AFAP1L1: variants seen among roughly 807,000 people sequenced by gnomAD.
The protein encoded by AFAP1L1 is actin filament associated protein 1 like 1, also known as actin filament-associated protein 1-like 1.
In AFAP1L1, 77 loss-of-function variants were observed where a neutral mutation model predicts 99.8. That is an observed-to-expected ratio of 0.77 (90% CI 0.64 to 0.93). AFAP1L1 has a LOEUF of 0.93. AFAP1L1 is among the 40% of genes least tolerant of loss of function. The probability of loss-of-function intolerance (pLI) is 0.00; values close to 1 mark genes in which losing one functional copy is unlikely to be tolerated. For synonymous variants in AFAP1L1, 373 were observed against 395.3 expected (o/e 0.94, Z 0.67); for missense variants, 893 against 996.8 (o/e 0.90, Z 1.40).
chr5:149,325,374 G>A (rs1757067769), intron 15 of AFAP1L1, among the ~76,000 whole-genome samples: 1 of 152,164 alleles, frequency 6.6e-6, no homozygotes, highest in Admixed American at 6.5e-5. Flanking sequence ...GGAAGGGCAG[G>A]CTGCCAGTAT....
At chr5:149,332,143 T>C (rs1302582926) in intron 16 of AFAP1L1, among the ~76,000 whole-genome samples, 1 of 152,244 alleles carries the variant, frequency 6.6e-6, no homozygotes, top group Non-Finnish European at 1.5e-5. Context: ...ATGCCTGTAA[T>C]CCCAGCACTT....
At chr5:149,274,329 C>T (rs1755240941) in intron 1 of AFAP1L1, among the ~76,000 whole-genome samples, 1 of 152,166 alleles carries the variant, frequency 6.6e-6, no homozygotes, top group South Asian at 2.1e-4. Flanking sequence ...TACAGCAATA[C>T]TTAGTAGTAT....
intron 15 of AFAP1L1, among the ~76,000 whole-genome samples, chr5:149,327,930 T>C (rs1757142204): frequency 6.6e-6 from 1 of 152,108 alleles, no homozygotes; most frequent in South Asian, 2.1e-4. Flanking sequence ...CATTAATCTA[T>C]ACATCCACGA....
At chr5:149,302,081 A>T (rs1756238780) in intron 4 of AFAP1L1, among the ~76,000 whole-genome samples, 1 of 152,150 alleles carries the variant, frequency 6.6e-6, no homozygotes, top group Non-Finnish European at 1.5e-5. Context: ...GTCCTACTGC[A>T]CCTCGTGTGT....
At chr5:149,298,935 T>C (rs1333960578) in intron 1 of AFAP1L1, among the ~76,000 whole-genome samples, 2 of 152,166 alleles carry the variant, frequency 1.3e-5, no homozygotes, top group Admixed American at 6.5e-5. Flanking sequence ...TTGAGAAGCA[T>C]TGGTGTCACG....
intron 15 of AFAP1L1, 137 bp from the exon 16 acceptor site, chr5:149,329,529 A>T: frequency 5.5e-6 from 5 of 907,502 alleles, no homozygotes; most frequent in Non-Finnish European, 8.1e-6. Flanking sequence ...TTCACACTAA[A>T]TATATCTAAG....
At chr5:149,279,550 G>A (rs1755448591) in intron 1 of AFAP1L1, among the ~76,000 whole-genome samples, 1 of 151,816 alleles carries the variant, frequency 6.6e-6, no homozygotes, top group South Asian at 2.1e-4. Flanking sequence ...TATGCTTAAG[G>A]ATGGAATTTG....
chr5:149,307,913 T>C (rs1756484133), intron 7 of AFAP1L1, among the ~76,000 whole-genome samples: 1 of 148,260 alleles, frequency 6.7e-6, no homozygotes, highest in Admixed American at 6.9e-5. Flanking sequence ...CCCAGCACTT[T>C]TAGAGGCCAA....
intron 1 of AFAP1L1, among the ~76,000 whole-genome samples, chr5:149,281,236 T>C (rs970689933): frequency 1.3e-5 from 2 of 152,224 alleles, no homozygotes; most frequent in South Asian, 4.1e-4. Context: ...CTGGAGACCC[T>C]TCCAGCCCTG....
At chr5:149,327,782 C>T (rs999333425) in intron 15 of AFAP1L1, among the ~76,000 whole-genome samples, 2 of 152,028 alleles carry the variant, frequency 1.3e-5, no homozygotes, top group Admixed American at 6.6e-5. Flanking sequence ...GACAGAGCCT[C>T]AGAGGATTGT....
At chr5:149,319,541 C>G (rs756106308) in intron 12 of AFAP1L1, 41 bp from the exon 13 acceptor site, 4 of 1,561,886 alleles carry the variant, frequency 2.6e-6, no homozygotes, top group South Asian at 1.2e-5. Context: ...GGAGCCCTGA[C>G]AGTAGGAAAA....
At chr5:149,300,035 GC>G (rs1581309583) in intron 2 of AFAP1L1, among the ~76,000 whole-genome samples, 2 of 152,280 alleles carry the variant, frequency 1.3e-5, no homozygotes, top group East Asian at 3.9e-4. Context: ...ACGCCTGACA[GC>G]CCCAGTAATC....
intron 1 of AFAP1L1, among the ~76,000 whole-genome samples, chr5:149,280,690 T>C (rs1754377762): frequency 1.3e-5 from 2 of 152,256 alleles, no homozygotes; most frequent in South Asian, 4.1e-4. Flanking sequence ...ATTTTATCTT[T>C]AAAAAGCCAT....
At position 149,308,047 on chromosome 5, in the gene AFAP1L1, G is replaced by T. The variant is rs562237424; in HGVS notation, c.747+434G>T. Among the ~76,000 whole-genome samples the T allele has an allele frequency of 3.0e-3, 449 of 151,958 alleles. 6 individuals carry two copies. Among genetic ancestry groups the T allele is most frequent in the Non-Finnish European group, 4.2e-3 (286 of 67,958 alleles). ...GCCTGTAGTCCCAGCTACTTGGGAG[G>T]CTGAGTCAGGAGAATCGCTTGAAAC... On this transcript the variant is annotated intron_variant, in intron 7 of 18. Transcript: ENST00000296721.
chr5:149,320,797 T>C lies in AFAP1L1; in HGVS notation c.1698+334T>C, dbSNP rs1388280708. ...CACTCTGTGAACTTATCCTGCTGAT[T>C]CCGTGGTGTCTGGGGCAGGTCCTGA... On this transcript the variant is annotated intron_variant, in intron 14 of 18. Coordinates refer to ENST00000296721, the MANE Select transcript of AFAP1L1 (RefSeq NM_152406.4). This position sits in a 1 kb window ranked among gnomAD's most constrained non-coding sequence, Gnocchi z 4.0. 6.6e-6 allele frequency among the ~76,000 whole-genome samples: 1 copy of C among 152,214 alleles called. No individual in the cohort carries two copies. Among genetic ancestry groups the C allele is most frequent in the African/African-American group, 2.4e-5 (1 of 41,444 alleles).
intron 15 of AFAP1L1, 51 bp from the exon 16 acceptor site, chr5:149,329,615 C>A: frequency 6.5e-7 from 1 of 1,537,508 alleles, no homozygotes; most frequent in South Asian, 1.3e-5. Context: ...ACACAAGTAC[C>A]TTTGCCAGAG....
At chr5:149,335,207 G>A (rs893510761) in intron 17 of AFAP1L1, among the ~76,000 whole-genome samples, 3 of 152,150 alleles carry the variant, frequency 2.0e-5, no homozygotes, top group Non-Finnish European at 4.4e-5. Context: ...TCCTCATGCA[G>A]CCAGGCACAG....
rs1756839959 is a variant in AFAP1L1 at position 149,317,791 on chromosome 5, ACT to A, written c.1333_1334del (p.Leu445ValfsTer22). 1.9e-6 allele frequency: 3 copies of A among 1,613,846 alleles called. No homozygotes were observed. Among genetic ancestry groups the A allele is most frequent in the South Asian group, 2.2e-5 (2 of 91,012 alleles). ...KERWCRLKCN[T>X]LYFHKDHMDL... ...ACGCTGGTGCCGCCTGAAGTGCAAC[ACT>A]CTGTATTTCCACAAGGATCACATGG... On this transcript the variant is annotated frameshift_variant, in exon 12 of 19. Transcript: ENST00000296721. LOFTEE classifies it high-confidence loss of function.
In AFAP1L1 at chr5:149,306,395, A is replaced by C. The variant is rs749123492; in HGVS notation, c.526A>C (p.Lys176Gln). The C allele has an allele frequency of 5.6e-6, 9 of 1,611,008 alleles. No homozygotes were observed. Among genetic ancestry groups the C allele is most frequent in the East Asian group, 2.2e-5 (1 of 44,816 alleles). ...YPATRVNGEL[K>Q]SSYNDSDAMS... ...TGCAACCAGGGTGAACGGCGAGCTT[A>C]AGAGCTCCTGTAAGTACCAGGTGGG... Residue 176 changes from lysine (K) to glutamine (Q), a missense_variant, in exon 6 of 19, where the codon AAG (lysine) becomes CAG (glutamine). Lys to Gln is a moderately conservative substitution (Grantham distance 53). Transcript: ENST00000296721.
Sources: gnomAD v4.1 joint callset for allele counts (sites outside exome capture counted in the v4.1 genomes callset) on GRCh38, gnomAD v4.1.1 for gene constraint, Gnocchi (gnomAD v3.1) non-coding constraint, MANE v1.5 for transcripts, NCBI Gene and HGNC (gene_info 2026-07-23, HGNC 2026-07-21) for gene names.